Variants in KCNT2 observed in about 807,000 individuals in gnomAD.
KCNT2 encodes potassium channel subfamily T member 2.
In KCNT2, 67 loss-of-function variants were observed where a neutral mutation model predicts 153.8. The observed-to-expected ratio is 0.44, with a 90% CI of 0.36 to 0.53. The LOEUF (loss-of-function observed/expected upper bound fraction) is 0.53. Ranked by LOEUF, KCNT2 falls within the 20% of genes least tolerant of loss-of-function variation. The pLI is 0.00. For synonymous variants in KCNT2, 500 were observed against 458.8 expected, an observed-to-expected ratio of 1.09 and a Z score of -1.15; for missense variants, 975 against 1,354.8, an observed-to-expected ratio of 0.72 and a Z score of 4.40.
At chr1:196,463,105 C>T (rs1244581439) in intron 8 of KCNT2, among the ~76,000 whole-genome samples, 1 of 151,620 alleles carries the variant, frequency 6.6e-6, no homozygotes, top group Non-Finnish European at 1.5e-5. Context: ...AAATTATTCC[C>T]CAGCAGTATC....
At chr1:196,331,109 T>C in intron 18 of KCNT2, 47 bp downstream of exon 18, 1 of 994,544 alleles carries the variant, frequency 1.0e-6, no homozygotes, top group Non-Finnish European at 1.6e-6. Context: ...AACTATAAAA[T>C]GCTATAATTT....
chr1:196,518,030 T>C (rs1356107892), intron 1 of KCNT2, among the ~76,000 whole-genome samples: 1 of 152,174 alleles, frequency 6.6e-6, no homozygotes, highest in East Asian at 1.9e-4. Context: ...GCAGGTCACA[T>C]ACATAGGAAA....
chr1:196,429,844 T>A (rs12121250), intron 8 of KCNT2, 87 bp from the exon 9 acceptor site: 480,868 of 861,626 alleles, frequency 0.56, 138,944 homozygotes, highest in Middle Eastern at 0.66. Context: ...CCAAAGCACA[T>A]TTCATAAAGC....
chr1:196,358,475 A>G (rs951582841), intron 14 of KCNT2, among the ~76,000 whole-genome samples: 2 of 151,940 alleles, frequency 1.3e-5, no homozygotes, highest in African/African-American at 4.8e-5. Context: ...AAGCCTGTGG[A>G]AAAACAAAAT....
chr1:196,529,699 T>C (rs1654692582), intron 1 of KCNT2, among the ~76,000 whole-genome samples: 1 of 152,148 alleles, frequency 6.6e-6, no homozygotes, highest in South Asian at 2.1e-4. Flanking sequence ...AAGGAAATGT[T>C]GATGATGCAG....
At chr1:196,324,857 T>C (rs1424177923) in intron 19 of KCNT2, among the ~76,000 whole-genome samples, 1 of 152,096 alleles carries the variant, frequency 6.6e-6, no homozygotes, top group East Asian at 1.9e-4. Flanking sequence ...TAATTGATTT[T>C]ATAATCCTAA....
chr1:196,377,467 C>T (rs1235351720), intron 13 of KCNT2, among the ~76,000 whole-genome samples: 1 of 151,858 alleles, frequency 6.6e-6, no homozygotes, highest in East Asian at 1.9e-4. Context: ...ACATCAATAA[C>T]AGTAACTGCT....
At chr1:196,499,591 T>A (rs1558011400) in intron 1 of KCNT2, among the ~76,000 whole-genome samples, 2 of 152,234 alleles carry the variant, frequency 1.3e-5, no homozygotes, top group African/African-American at 4.8e-5. Flanking sequence ...ATCTTACTTT[T>A]CTTCCTTATG....
intron 25 of KCNT2, among the ~76,000 whole-genome samples, chr1:196,265,077 T>A (rs1156652073): frequency 6.6e-6 from 1 of 152,140 alleles, no homozygotes; most frequent in Admixed American, 6.6e-5. Flanking sequence ...TTCAATACCC[T>A]CTTAGTGCAG....
At chr1:196,414,393 A>G (rs927191776) in intron 12 of KCNT2, among the ~76,000 whole-genome samples, 10 of 151,846 alleles carry the variant, frequency 6.6e-5, no homozygotes, top group Non-Finnish European at 1.2e-4. Flanking sequence ...GTCTTCCTTA[A>G]GAAATCATAA....
intron 1 of KCNT2, among the ~76,000 whole-genome samples, chr1:196,508,420 G>A (rs550419412): frequency 6.6e-6 from 1 of 152,044 alleles, no homozygotes; most frequent in Non-Finnish European, 1.5e-5. Flanking sequence ...GAAGATAAGA[G>A]TATAAACCAA....
At chr1:196,251,310 G>A (rs778198094) in intron 26 of KCNT2, among the ~76,000 whole-genome samples, 6 of 152,018 alleles carry the variant, frequency 3.9e-5, no homozygotes, top group Middle Eastern at 3.2e-3. Flanking sequence ...GAAGAAGTCT[G>A]TTGTCATTTT....
At chr1:196,376,015 C>G (rs1668937225) in intron 13 of KCNT2, among the ~76,000 whole-genome samples, 1 of 151,828 alleles carries the variant, frequency 6.6e-6, no homozygotes, top group South Asian at 2.1e-4. Context: ...GACTTGTCCT[C>G]TTAGGTCCAA....
In KCNT2 at chr1:196,398,719, T is replaced by C. The variant is rs779848388; in HGVS notation, c.1186-48A>G. The C allele has an allele frequency of 1.3e-5, 13 of 992,180 alleles. No homozygotes were observed. In the East Asian group the frequency reaches 3.2e-4, roughly 25 times the overall value. 61.5% of individuals were successfully genotyped at this position (992,180 alleles called of 1,614,324 possible). On this transcript the variant is annotated intron_variant, in intron 12 of 27. Coordinates refer to ENST00000294725, the MANE Select transcript of KCNT2 (RefSeq NM_198503.5). The stretch of plus-strand genomic sequence containing the variant: ...ATCATAGCATAAGTTACAATGTTTA[T>C]AACATATAAAGTAAAAGTAAGCAAT...
intron 1 of KCNT2, among the ~76,000 whole-genome samples, chr1:196,517,179 T>G (rs1342831438): frequency 6.6e-6 from 1 of 152,154 alleles, no homozygotes; most frequent in African/African-American, 2.4e-5. Flanking sequence ...CAGACGGTAT[T>G]CCATGCAGGT....
intron 25 of KCNT2, among the ~76,000 whole-genome samples, chr1:196,259,060 T>A (rs1411021297): frequency 2.0e-5 from 3 of 152,182 alleles, no homozygotes; most frequent in African/African-American, 7.2e-5. Flanking sequence ...ACTTTTTAAC[T>A]CATGCATTTA....
chr1:196,455,734 C>A (rs1676608091), intron 8 of KCNT2, among the ~76,000 whole-genome samples: 1 of 151,708 alleles, frequency 6.6e-6, no homozygotes, highest in Non-Finnish European at 1.5e-5. Context: ...TGATTATTTT[C>A]TTTTATCTGC....
chr1:196,582,705 G>A (rs1043955650), intron 1 of KCNT2, among the ~76,000 whole-genome samples: 9 of 152,014 alleles, frequency 5.9e-5, no homozygotes, highest in Non-Finnish European at 1.2e-4. Context: ...TGAGTCCTTT[G>A]AATTATTCTC....
At chr1:196,568,453 G>A (rs6691524) in intron 1 of KCNT2, among the ~76,000 whole-genome samples, 10,206 of 151,910 alleles carry the variant, frequency 0.067, 1,040 homozygotes, top group African/African-American at 0.22. Context: ...AAAATTAGCC[G>A]GGTGTGGTGG....
Sources: allele counts gnomAD v4.1 joint callset (sites outside exome capture counted in the v4.1 genomes callset), GRCh38; gene constraint gnomAD v4.1.1; transcripts MANE v1.5; gene names NCBI Gene and HGNC (gene_info 2026-07-23, HGNC 2026-07-21).